TAOK3: variants seen among roughly 807,000 people sequenced by gnomAD.
TAOK3 encodes serine/threonine-protein kinase TAO3.
A neutral mutation model predicts 120.4 loss-of-function variants in TAOK3; 40 were observed. That is an observed-to-expected ratio of 0.33 (90% CI 0.26 to 0.43). The LOEUF is 0.43. TAOK3 is among the 20% of genes least tolerant of loss of function. The pLI is 1.00. For missense variants in TAOK3, 821 were observed against 1,112.1 expected (o/e 0.74, Z 3.72); for synonymous variants, 355 against 387.5 (o/e 0.92, Z 0.99).
intron 1 of TAOK3, among the ~76,000 whole-genome samples, chr12:118,301,416 C>G (rs1463616059): frequency 6.6e-6 from 1 of 152,124 alleles, no homozygotes; most frequent in African/African-American, 2.4e-5. Context: ...ATTTTAAGGA[C>G]CTTTCTCAAG....
Position 118,151,289 on chromosome 12 carries a change from G to GCACACACACACACACACA in TAOK3, c.2536-149_2536-132dup, listed in dbSNP as rs773751889. The GCACACACACACACACACA allele has an allele frequency of 2.3e-4, 57 of 253,082 alleles. 1 individual carries two copies. Among genetic ancestry groups the GCACACACACACACACACA allele is most frequent in the East Asian group, 1.9e-3 (46 of 24,356 alleles). The allele number at this position is 253,082 out of a possible 1,614,324, so 15.7% of individuals were successfully genotyped here. A position where few individuals can be genotyped will look rare whatever the true frequency, so the allele number is the denominator to read the frequency against. On this transcript the variant is annotated intron_variant, in intron 20 of 20. Coordinates refer to ENST00000392533, the MANE Select transcript of TAOK3 (RefSeq NM_016281.4). ...GCACACACATGAAGTGCGCGCGCGC[G>GCACACACACACACACACA]CACACACACACACACACACACACAC...
In TAOK3 at chr12:118,243,493, T is replaced by C. The variant is rs111763375; in HGVS notation, c.216A>G (p.Glu72=). 2,221 of 1,510,740 alleles carry C rather than the reference T, an allele frequency of 1.5e-3. 30 individuals carry two copies. In the African/African-American group the frequency reaches 0.029, roughly 20 times the overall value. The allele number at this position is 1,510,740 out of a possible 1,614,324, so 93.6% of individuals were successfully genotyped here. A position where few individuals can be genotyped will look rare whatever the true frequency, so the allele number is the denominator to read the frequency against. ...THEKWQDILK[E]VKFLRQLKHP... is the part of the protein sequence containing the mutation. ...GCTTCAATTGTCGTAAAAATTTAACTTCCTTAAGAATATCTTGCCATTTCT... is the reference window on the plus strand; with the variant it reads ...GCTTCAATTGTCGTAAAAATTTAACCTCCTTAAGAATATCTTGCCATTTCT... The change falls in exon 5 of 21, where the codon GAA becomes GAG. Residue 72 remains glutamate, a synonymous_variant. Transcript: ENST00000392533.
intron 9 of TAOK3, among the ~76,000 whole-genome samples, chr12:118,229,059 C>T (rs1304283405): frequency 6.6e-6 from 1 of 151,838 alleles, no homozygotes; most frequent in Non-Finnish European, 1.5e-5. Context: ...AATCATATTC[C>T]TTACCCATTT....
intron 8 of TAOK3, 31 bp from the exon 9 acceptor site, chr12:118,233,796 G>A (rs1372699054): frequency 6.5e-7 from 1 of 1,530,656 alleles, no homozygotes; most frequent in Admixed American, 2.0e-5. Flanking sequence ...AACTCAAGTT[G>A]GAGATTAAAA....
intron 8 of TAOK3, 151 bp from the exon 9 acceptor site, chr12:118,233,916 C>T (rs2039895458): frequency 1.6e-6 from 1 of 617,878 alleles, no homozygotes; most frequent in African/African-American, 1.9e-5. Context: ...TTGAAAAACA[C>T]TATTCAAAAT....
rs538925899 is a variant in TAOK3, at chr12:118,368,490, G to A, written c.-194+4158C>T. Among the ~76,000 whole-genome samples the A allele has an allele frequency of 1.2e-3, 172 of 140,978 alleles. 1 individual carries two copies. Among genetic ancestry groups the A allele is most frequent in the African/African-American group, 3.9e-3 (156 of 39,790 alleles). 92.5% of individuals were successfully genotyped at this position (140,978 alleles called of 152,430 possible). On this transcript the variant is annotated intron_variant, in intron 1 of 20. Coordinates refer to ENST00000392533, the MANE Select transcript of TAOK3 (RefSeq NM_016281.4). ...TGGGATTACAGGCGTGAGCCACCGC[G>A]CCCGGCCTGGTTATTTTTTTTTAAC...
At chr12:118,195,229 A>G (rs1189974730) in intron 13 of TAOK3, among the ~76,000 whole-genome samples, 2 of 152,172 alleles carry the variant, frequency 1.3e-5, no homozygotes, top group African/African-American at 4.8e-5. Context: ...TGCTTTTAAT[A>G]TATTAAAGTC....
chr12:118,284,069 C>T (rs1845328248), intron 1 of TAOK3, among the ~76,000 whole-genome samples: 2 of 151,992 alleles, frequency 1.3e-5, no homozygotes, highest in Non-Finnish European at 2.9e-5. Context: ...AAATATTGTG[C>T]ACACATCACA....
intron 3 of TAOK3, among the ~76,000 whole-genome samples, chr12:118,252,457 G>A (rs1169584520): frequency 6.6e-6 from 1 of 152,110 alleles, no homozygotes; most frequent in Non-Finnish European, 1.5e-5. Context: ...GACATAAAGA[G>A]GGGCTTTTGG....
chr12:118,358,805 T>C (rs1343559684), intron 1 of TAOK3: 2 of 152,218 alleles, frequency 1.3e-5, no homozygotes, highest in Non-Finnish European at 1.5e-5. Context: ...GCTAAGGCCA[T>C]AAATATTTCA....
At chr12:118,293,915 T>TGAGGTA (rs944318995) in intron 1 of TAOK3, among the ~76,000 whole-genome samples, 3 of 151,100 alleles carry the variant, frequency 2.0e-5, no homozygotes, top group African/African-American at 7.3e-5. Context: ...CTCAGGAGGC[T>TGAGGTA]GAGGTAGGAG....
At chr12:118,176,087 G>T (rs1565898442) in intron 16 of TAOK3, among the ~76,000 whole-genome samples, 1 of 152,180 alleles carries the variant, frequency 6.6e-6, no homozygotes, top group African/African-American at 2.4e-5. Flanking sequence ...ATCTGTCTTG[G>T]CTGAGGCAGT....
chr12:118,237,152 T>C (rs1195126405), intron 7 of TAOK3, among the ~76,000 whole-genome samples: 1 of 152,218 alleles, frequency 6.6e-6, no homozygotes, highest in Non-Finnish European at 1.5e-5. Flanking sequence ...GATTTCGGTC[T>C]GCCTATCTTT....
At chr12:118,351,538 A>G (rs1356561525) in intron 1 of TAOK3, among the ~76,000 whole-genome samples, 6 of 152,230 alleles carry the variant, frequency 3.9e-5, no homozygotes, top group African/African-American at 7.2e-5. Context: ...TCTTACATAT[A>G]TAAAACATTT....
chr12:118,279,768 G>GT (rs1241593301), intron 1 of TAOK3, among the ~76,000 whole-genome samples: 4,692 of 119,628 alleles, frequency 0.039, 168 homozygotes, highest in African/African-American at 0.087. Flanking sequence ...TTTTATTGTT[G>GT]TTTTTTTTTT....
chr12:118,198,105 G>C (rs1469084107), intron 13 of TAOK3, among the ~76,000 whole-genome samples: 3 of 151,986 alleles, frequency 2.0e-5, no homozygotes, highest in Non-Finnish European at 2.9e-5. Flanking sequence ...CTGATAATCT[G>C]GGTCCTTTGC....
chr12:118,322,023 T>C (rs895879816), intron 1 of TAOK3, among the ~76,000 whole-genome samples: 1 of 151,988 alleles, frequency 6.6e-6, no homozygotes, highest in African/African-American at 2.4e-5. Context: ...AAAGATATAA[T>C]AGAAAATTTG....
intron 7 of TAOK3, among the ~76,000 whole-genome samples, chr12:118,237,337 C>T (rs903759770): frequency 6.6e-6 from 1 of 152,282 alleles, no homozygotes; most frequent in East Asian, 1.9e-4. Flanking sequence ...TTCACTCCTC[C>T]TCCCCTCATT....
At chr12:118,178,704 TGCCTCG>T (rs906088627) in intron 15 of TAOK3, among the ~76,000 whole-genome samples, 5 of 152,202 alleles carry the variant, frequency 3.3e-5, no homozygotes, top group Admixed American at 2.6e-4. Context: ...ATGATCCACC[TGCCTCG>T]GCCTCCCAAA....
Sources: allele counts gnomAD v4.1 joint callset (sites outside exome capture counted in the v4.1 genomes callset), GRCh38; gene constraint gnomAD v4.1.1; transcripts MANE v1.5; gene names NCBI Gene and HGNC (gene_info 2026-07-23, HGNC 2026-07-21).